The following LOC128125817 variants were observed in gnomAD, a reference collection of about 807,000 sequenced individuals.
the LOC128125817 span, among the ~76,000 whole-genome samples, chr1:41,599,337 G>A: frequency 2.0e-5 from 3 of 152,108 alleles, no homozygotes; most frequent in Non-Finnish European, 2.9e-5. Context: ...ATATCTTCAC[G>A]GAACTTGGGG....
the LOC128125817 span, among the ~76,000 whole-genome samples, chr1:41,613,445 C>A: frequency 1.3e-5 from 2 of 152,182 alleles, no homozygotes; most frequent in Non-Finnish European, 2.9e-5. Context: ...ATTTTAAACA[C>A]CTTCATGTTC....
At chr1:41,619,140 C>CA in the LOC128125817 span, among the ~76,000 whole-genome samples, 1 of 152,160 alleles carries the variant, frequency 6.6e-6, no homozygotes, top group Non-Finnish European at 1.5e-5. Context: ...CCTGTGCCCC[C>CA]ACCCCCACTC....
the LOC128125817 span, among the ~76,000 whole-genome samples, chr1:41,589,177 GA>G: frequency 1.3e-5 from 2 of 152,210 alleles, no homozygotes; most frequent in Admixed American, 6.5e-5. Context: ...AAAGTCACCA[GA>G]GAAATGGGCC....
the LOC128125817 span, among the ~76,000 whole-genome samples, chr1:41,592,758 T>G: frequency 2.6e-5 from 4 of 152,242 alleles, no homozygotes; most frequent in Non-Finnish European, 5.9e-5. Flanking sequence ...CTGCAGATGC[T>G]TGGCTCACCT....
chr1:41,626,233 C>T, the LOC128125817 span, among the ~76,000 whole-genome samples: 2 of 152,208 alleles, frequency 1.3e-5, no homozygotes, highest in African/African-American at 2.4e-5. Context: ...CTGTCTTGTT[C>T]GGATGCCATA....
the LOC128125817 span, among the ~76,000 whole-genome samples, chr1:41,616,818 G>A: frequency 6.6e-6 from 1 of 152,104 alleles, no homozygotes; most frequent in Non-Finnish European, 1.5e-5. Flanking sequence ...CTTCCTCATG[G>A]ACAGTCTTTC....
chr1:41,601,980 T>G, the LOC128125817 span, among the ~76,000 whole-genome samples: 6 of 152,266 alleles, frequency 3.9e-5, no homozygotes, highest in East Asian at 1.2e-3. Flanking sequence ...CAAATGCCTT[T>G]TCTGCATCTG....
the LOC128125817 span, among the ~76,000 whole-genome samples, chr1:41,618,546 T>C: frequency 6.6e-6 from 1 of 152,164 alleles, no homozygotes; most frequent in East Asian, 1.9e-4. Context: ...GCACCACTCA[T>C]AGGCCTTGCA....
chr1:41,601,163 A>G, the LOC128125817 span, among the ~76,000 whole-genome samples: 3 of 152,084 alleles, frequency 2.0e-5, no homozygotes, highest in Admixed American at 6.5e-5. Context: ...GTAATTTTTT[A>G]TGCTTTGAAA....
At chr1:41,601,803 G>A in the LOC128125817 span, among the ~76,000 whole-genome samples, 1 of 152,086 alleles carries the variant, frequency 6.6e-6, no homozygotes, top group Non-Finnish European at 1.5e-5. Flanking sequence ...GGGCATTCTT[G>A]CCCTTAGCTT....
the LOC128125817 span, among the ~76,000 whole-genome samples, chr1:41,617,466 G>A: frequency 7.9e-5 from 12 of 152,328 alleles, no homozygotes; most frequent in African/African-American, 2.2e-4. Context: ...AGGACAGCAA[G>A]TCTGTCTCTC....
At chr1:41,602,571 C>G in the LOC128125817 span, among the ~76,000 whole-genome samples, 1 of 152,026 alleles carries the variant, frequency 6.6e-6, no homozygotes, top group Non-Finnish European at 1.5e-5. Flanking sequence ...TCTGTGGCAT[C>G]AGTTGTGATG....
chr1:41,627,059 A>C, the LOC128125817 span, among the ~76,000 whole-genome samples: 1 of 152,224 alleles, frequency 6.6e-6, no homozygotes, highest in Admixed American at 6.5e-5. Context: ...GGGCAGCAGC[A>C]TCGGTCCCCG....
At chr1:41,590,488 G>A in the LOC128125817 span, among the ~76,000 whole-genome samples, 8 of 152,240 alleles carry the variant, frequency 5.3e-5, no homozygotes, top group African/African-American at 1.9e-4. Context: ...GAACATGGAT[G>A]TGGTGGGGGT....
chr1:41,609,932 ACT>A, the LOC128125817 span, among the ~76,000 whole-genome samples: 1 of 152,222 alleles, frequency 6.6e-6, no homozygotes, highest in African/African-American at 2.4e-5. Context: ...GAATTGGTAA[ACT>A]CTGAGTAAAG....
the LOC128125817 span, among the ~76,000 whole-genome samples, chr1:41,617,564 G>A: frequency 0.023 from 3,559 of 152,306 alleles, 154 homozygotes; most frequent in African/African-American, 0.081. Context: ...CTTAAAGTGC[G>A]GCACCGCCTG....
chr1:41,587,573 G>A, the LOC128125817 span, among the ~76,000 whole-genome samples: 1 of 152,210 alleles, frequency 6.6e-6, no homozygotes, highest in Non-Finnish European at 1.5e-5. Context: ...CCAAAACTAG[G>A]CATAAGTGCC....
the LOC128125817 span, among the ~76,000 whole-genome samples, chr1:41,607,816 A>G: frequency 6.6e-6 from 1 of 152,232 alleles, no homozygotes; most frequent in South Asian, 2.1e-4. Flanking sequence ...ATCTGAGTTT[A>G]AGTGGCCATG....
At chr1:41,627,363 G>A in the LOC128125817 span, among the ~76,000 whole-genome samples, 1 of 152,216 alleles carries the variant, frequency 6.6e-6, no homozygotes, top group Non-Finnish European at 1.5e-5. Flanking sequence ...ACCACTAAGA[G>A]TCGGGGCTGG....
Sources: allele counts gnomAD v4.1 joint callset (sites outside exome capture counted in the v4.1 genomes callset), GRCh38; gene constraint gnomAD v4.1.1; transcripts MANE v1.5.